Variants in RELL1 observed in about 807,000 individuals in gnomAD.
RELL1 encodes RELT like 1, also known as RELT-like protein 1.
In RELL1, 10 loss-of-function variants were observed where a neutral mutation model predicts 23.0. The ratio of observed to expected loss-of-function variants is 0.43; its 90% CI spans 0.27 to 0.74. RELL1 has a LOEUF of 0.74. RELL1 is among the 30% of genes least tolerant of loss of function. The pLI, the probability that RELL1 is intolerant of heterozygous loss-of-function variation, is 0.19. For missense variants in RELL1, 315 were observed against 364.4 expected (o/e 0.86, Z 1.10); for synonymous variants, 146 against 146.8 (o/e 0.99, Z 0.04).
At chr4:37,625,629 T>C (rs1041485953) in intron 6 of RELL1, among the ~76,000 whole-genome samples, 1 of 152,136 alleles carries the variant, frequency 6.6e-6, no homozygotes, top group African/African-American at 2.4e-5. Context: ...AAATCCAAAT[T>C]TGAGCAAAAA....
chr4:37,667,038 A>C (rs1010670604), intron 1 of RELL1, among the ~76,000 whole-genome samples: 2 of 152,176 alleles, frequency 1.3e-5, no homozygotes, highest in African/African-American at 4.8e-5. Context: ...GGCAAAGTAA[A>C]GGAGGGAGTA....
chr4:37,598,364 A>G (rs1718933551), intron 6 of RELL1, among the ~76,000 whole-genome samples: 1 of 151,404 alleles, frequency 6.6e-6, no homozygotes, highest in Non-Finnish European at 1.5e-5. Flanking sequence ...TAACGTAGAA[A>G]TTGTATTCAG....
chr4:37,682,804 C>G (rs184703684), intron 1 of RELL1, among the ~76,000 whole-genome samples: 111 of 152,292 alleles, frequency 7.3e-4, no homozygotes, highest in Non-Finnish European at 1.2e-3. Flanking sequence ...AGTCAGAATG[C>G]TGGAGGGAAG....
chr4:37,632,084 GAAAAAAAAAAAAA>G (rs1183120605), intron 5 of RELL1, among the ~76,000 whole-genome samples: 4 of 44,462 alleles, frequency 9.0e-5, no homozygotes, highest in South Asian at 1.8e-3. Context: ...TCTCAATAAG[GAAAAAAAAAAAAA>G]AAAAAAAAAA....
In RELL1 at chr4:37,635,094, G is replaced by T; in HGVS notation, c.473C>A (p.Pro158Gln). 1 of 1,614,178 alleles carries T rather than the reference G, an allele frequency of 6.2e-7. No individual in the cohort carries two copies. The highest frequency in any genetic ancestry group is 8.5e-7 in the Non-Finnish European group (1 of 1,180,042). ...TGACAAAGGCCCAGGACTCACTGGC[G>T]GGCTCCCTGGTGTGCTGGGGGTCAC... ...SPVTPSTPGS[P>Q]PVSPGPLSPG... The change falls in exon 5 of 7, where the codon CCG becomes CAG. Residue 158 changes from proline to glutamine, a missense_variant. By Grantham distance (76) the Pro-to-Gln change is moderately conservative. Coordinates refer to ENST00000454158, the MANE Select transcript of RELL1 (RefSeq NM_001085400.2).
At chr4:37,587,427 T>G (rs1718387075), downstream of RELL1, among the ~76,000 whole-genome samples, 1 of 152,188 alleles carries the variant, frequency 6.6e-6, no homozygotes, top group Non-Finnish European at 1.5e-5. Context: ...TTTTATTTTT[T>G]TAATGTAAAT....
Position 37,686,325 on chromosome 4 carries a change from G to A in RELL1, c.-38C>T. 6.9e-7 allele frequency: 1 copy of A among 1,448,128 alleles called. No individual in the cohort carries two copies. The highest frequency in any genetic ancestry group is 9.1e-7 in the Non-Finnish European group (1 of 1,098,256). The allele number at this position is 1,448,128 out of a possible 1,614,324, so 89.7% of individuals were successfully genotyped here. On this transcript the variant is annotated 5_prime_UTR_variant, in exon 1 of 7. It adds an upstream start codon to the 5' untranslated region. Coordinates refer to ENST00000454158, the MANE Select transcript of RELL1 (RefSeq NM_001085400.2). ...TCGCCCTCCTCCCCCAGGGCGCCGC[G>A]TCCCGCGCTCGGGAAGGCAGAGCCG...
At chr4:37,652,318 A>G (rs16993769) in intron 1 of RELL1, among the ~76,000 whole-genome samples, 91,971 of 152,080 alleles carry the variant, frequency 0.6, 28,079 homozygotes, top group Middle Eastern at 0.67. Flanking sequence ...TGAAATAGCC[A>G]GTGTTTTCTG....
In RELL1 at chr4:37,686,241, A is replaced by G. The variant is rs1435964734; in HGVS notation, c.47T>C (p.Val16Ala). Reference protein sequence around the residue: ...LPGSAVLAAAVFVGGAVSSPL... With the variant: ...LPGSAVLAAAAFVGGAVSSPL... ...CGAACTCACGGCGCCTCCCACGAAG[A>G]CAGCAGCGGCTAGGACGGCGGACCC... Residue 16 changes from valine (V) to alanine (A), a missense_variant, in exon 1 of 7, where the codon GTC becomes GCC. Physicochemically the swap from Val to Ala is moderately conservative, Grantham distance 64. Transcript: ENST00000454158. 1 of 1,580,312 alleles carries G rather than the reference A, an allele frequency of 6.3e-7. No homozygotes were observed. Among genetic ancestry groups the G allele is most frequent in the Non-Finnish European group, 8.5e-7 (1 of 1,171,394 alleles).
At chr4:37,621,673 T>C (rs1251137952) in intron 6 of RELL1, among the ~76,000 whole-genome samples, 2 of 152,188 alleles carry the variant, frequency 1.3e-5, no homozygotes, top group East Asian at 3.9e-4. Flanking sequence ...AGAGCAGATG[T>C]CAAACAGGTG....
At chr4:37,586,962 C>G (rs1000792882), downstream of RELL1, among the ~76,000 whole-genome samples, 1 of 152,094 alleles carries the variant, frequency 6.6e-6, no homozygotes, top group Non-Finnish European at 1.5e-5. Flanking sequence ...TCTCCCAGTT[C>G]TAGAGACCAG....
At chr4:37,627,331 T>A (rs1719987675) in intron 6 of RELL1, among the ~76,000 whole-genome samples, 1 of 152,152 alleles carries the variant, frequency 6.6e-6, no homozygotes, top group Admixed American at 6.5e-5. Flanking sequence ...CAAAGACCAG[T>A]GACAATGAAG....
chr4:37,656,662 G>A (rs1459077504), intron 1 of RELL1, among the ~76,000 whole-genome samples: 4 of 152,182 alleles, frequency 2.6e-5, no homozygotes, highest in Non-Finnish European at 5.9e-5. Flanking sequence ...GGGACTCCAC[G>A]CTCATAAAGG....
chr4:37,615,264 G>A (rs1357380921), intron 6 of RELL1, among the ~76,000 whole-genome samples: 4 of 152,188 alleles, frequency 2.6e-5, no homozygotes, highest in Non-Finnish European at 5.9e-5. Flanking sequence ...GAGAGAGGAA[G>A]TAAAAAATAC....
chr4:37,610,327 T>C (rs986132377), downstream of RELL1, among the ~76,000 whole-genome samples: 4 of 152,312 alleles, frequency 2.6e-5, no homozygotes, highest in African/African-American at 9.6e-5. The surrounding 1 kb of genome is among the most constrained non-coding windows in gnomAD (Gnocchi z 4.1). Flanking sequence ...TATAGTATAG[T>C]ATAAATATAA....
At chr4:37,668,781 TC>T (rs1403350404) in intron 1 of RELL1, among the ~76,000 whole-genome samples, 1 of 109,716 alleles carries the variant, frequency 9.1e-6, no homozygotes, top group South Asian at 2.6e-4. Flanking sequence ...GAGCGCCTCT[TC>T]CCGGCCGCCA....
chr4:37,656,724 T>C (rs1721131732), intron 1 of RELL1, among the ~76,000 whole-genome samples: 1 of 152,208 alleles, frequency 6.6e-6, no homozygotes, highest in East Asian at 1.9e-4. Context: ...AGGGGGTTAG[T>C]TATTGGGAGT....
At chr4:37,663,348 C>T (rs1028707892) in intron 1 of RELL1, among the ~76,000 whole-genome samples, 2 of 152,128 alleles carry the variant, frequency 1.3e-5, no homozygotes, top group East Asian at 3.8e-4. Flanking sequence ...ATGGCTCTTG[C>T]GAACCTTTAA....
At chr4:37,667,321 ACT>A (rs1358772263) in intron 1 of RELL1, among the ~76,000 whole-genome samples, 1 of 151,546 alleles carries the variant, frequency 6.6e-6, no homozygotes, top group Non-Finnish European at 1.5e-5. Context: ...CCTTACAATA[ACT>A]CTATGGGGTA....
Sources: allele counts gnomAD v4.1 joint callset (sites outside exome capture counted in the v4.1 genomes callset), GRCh38; gene constraint gnomAD v4.1.1; non-coding constraint Gnocchi (gnomAD v3.1); transcripts MANE v1.5; gene names NCBI Gene and HGNC (gene_info 2026-07-23, HGNC 2026-07-21).